DPYSL4: variants seen among roughly 807,000 people sequenced by gnomAD.
DPYSL4 encodes the protein dihydropyrimidinase-related protein 4.
Under a neutral mutation model 63.4 loss-of-function variants are expected in DPYSL4, and 43 were observed. That is an observed-to-expected ratio of 0.68 (90% confidence interval 0.53 to 0.88). The LOEUF is 0.88. DPYSL4 is among the 40% of genes least tolerant of loss of function. DPYSL4 has a pLI of 0.00. For missense variants in DPYSL4, 733 were observed against 819.5 expected, an observed-to-expected ratio of 0.89 and a Z score of 1.29; for synonymous variants, 353 against 331.7, an observed-to-expected ratio of 1.06 and a Z score of -0.70.
Position 132,187,041 on chromosome 10 carries a change from T to G in DPYSL4, c.-23T>G. ...CGCCCGCCCCCGCTTGTGCCGCCCC[T>G]ACCAGAGACCCCCAGGAGCAGGATG... On this transcript the variant is annotated 5_prime_UTR_variant, in exon 1 of 14. Transcript: ENST00000338492. 1.4e-6 allele frequency: 1 copy of G among 717,492 alleles called. No homozygotes were observed. The highest frequency in any genetic ancestry group is 1.8e-6 in the Non-Finnish European group (1 of 565,180). The allele number at this position is 717,492 out of a possible 1,614,324, so 44.4% of individuals were successfully genotyped here.
Position 132,196,888 on chromosome 10 carries a change from C to A in DPYSL4, c.506C>A (p.Ala169Glu). Reference sequence around the variant, plus strand: ...GTGAACTCCTTCCTGGTCTTCATGGCATACAAGGACCGGTGCCAGTGCAGC... The same window carrying A: ...GTGAACTCCTTCCTGGTCTTCATGGAATACAAGGACCGGTGCCAGTGCAGC... ...KGVNSFLVFMAYKDRCQCSDS... is the reference protein window; with the variant it reads ...KGVNSFLVFMEYKDRCQCSDS... Residue 169 changes from alanine to glutamate, a missense_variant, in exon 5 of 14, where the codon GCA (alanine) becomes GAA (glutamate). Physicochemically the swap from Ala to Glu is moderately radical, Grantham distance 107. Coordinates refer to ENST00000338492, the MANE Select transcript of DPYSL4 (RefSeq NM_006426.3). 6.2e-7 allele frequency: 1 copy of A among 1,613,786 alleles called. No individual in the cohort carries two copies. The highest frequency in any genetic ancestry group is 1.1e-5 in the South Asian group (1 of 91,086).
At chr10:132,201,022 C>A in intron 10 of DPYSL4, 39 bp downstream of exon 10, 5 of 1,602,166 alleles carry the variant, frequency 3.1e-6, no homozygotes, top group Non-Finnish European at 4.3e-6. Flanking sequence ...GTCTGGGGAG[C>A]GGCTGTGGGC....
At chr10:132,200,072 C>G (rs544662507) in intron 8 of DPYSL4, among the ~76,000 whole-genome samples, 33 of 152,286 alleles carry the variant, frequency 2.2e-4, no homozygotes, top group African/African-American at 7.0e-4. Flanking sequence ...GCCCTGGCCC[C>G]GCTGGAGTGC....
chr10:132,201,421 C>T (rs1188095295), intron 10 of DPYSL4, among the ~76,000 whole-genome samples: 1 of 152,234 alleles, frequency 6.6e-6, no homozygotes, highest in African/African-American at 2.4e-5. Context: ...CCAGGGCTCC[C>T]CAAGGAGACT....
At chr10:132,195,823 T>A (rs763657418) in intron 4 of DPYSL4, among the ~76,000 whole-genome samples, 1 of 152,160 alleles carries the variant, frequency 6.6e-6, no homozygotes, top group Non-Finnish European at 1.5e-5. Flanking sequence ...GTTCTGTGAG[T>A]GGACTCGGGA....
chr10:132,200,548 C>T (rs1362678523), intron 9 of DPYSL4, 36 bp downstream of exon 9: 5 of 1,608,372 alleles, frequency 3.1e-6, no homozygotes, highest in Non-Finnish European at 4.2e-6. Flanking sequence ...AGGTTGGCCG[C>T]CCGCTGCACA....
At chr10:132,195,452 G>A (rs1184745532) in intron 4 of DPYSL4, among the ~76,000 whole-genome samples, 1 of 152,180 alleles carries the variant, frequency 6.6e-6, no homozygotes, top group Non-Finnish European at 1.5e-5. Flanking sequence ...AACTACATCA[G>A]AGTTTCATAG....
At chr10:132,187,865 G>T (rs960110852) in intron 1 of DPYSL4, among the ~76,000 whole-genome samples, 6 of 152,226 alleles carry the variant, frequency 3.9e-5, no homozygotes, top group Admixed American at 3.3e-4. Flanking sequence ...GGGGGAGATG[G>T]GGGTGGGAGG....
Position 132,205,346 on chromosome 10 carries a change from C to G in DPYSL4, c.*416C>G, listed in dbSNP as rs567445207. On this transcript the variant is annotated 3_prime_UTR_variant, in exon 14 of 14. Coordinates refer to ENST00000338492, the MANE Select transcript of DPYSL4 (RefSeq NM_006426.3). ...GGCATTTGCCGCCGCCTCCCCACCA[C>G]CAGTCACTGCCTCGCAGAGCCCTAC... The G allele has an allele frequency of 6.1e-6, 1 of 163,598 alleles. No homozygotes were observed. Among genetic ancestry groups the G allele is most frequent in the Non-Finnish European group, 1.3e-5 (1 of 75,610 alleles). The allele number at this position is 163,598 out of a possible 1,614,324, so 10.1% of individuals were successfully genotyped here.
chr10:132,201,344 G>A (rs575519208), intron 10 of DPYSL4, among the ~76,000 whole-genome samples: 23 of 152,130 alleles, frequency 1.5e-4, no homozygotes, highest in South Asian at 2.1e-4. Context: ...GCGCCCTCCC[G>A]CATCCTCAGC....
At chr10:132,188,795 A>G (rs1258868006) in intron 1 of DPYSL4, among the ~76,000 whole-genome samples, 3 of 152,252 alleles carry the variant, frequency 2.0e-5, no homozygotes, top group Non-Finnish European at 4.4e-5. Flanking sequence ...TGTGAACTTC[A>G]TAGAATTTTT....
intron 1 of DPYSL4, among the ~76,000 whole-genome samples, chr10:132,189,856 CAG>C (rs922126659): frequency 8.5e-5 from 13 of 152,352 alleles, no homozygotes; most frequent in African/African-American, 9.6e-5. Context: ...GGCCCCCAGT[CAG>C]GGGGCAGCCA....
intron 8 of DPYSL4, among the ~76,000 whole-genome samples, chr10:132,199,583 C>A (rs1393691947): frequency 6.6e-6 from 1 of 151,308 alleles, no homozygotes; most frequent in Non-Finnish European, 1.5e-5. Context: ...TAGGCGGCCT[C>A]TGGATCTGGT....
rs551827752 is a variant in DPYSL4 at position 132,190,926 on chromosome 10, C to G, written c.128+91C>G. Reference sequence around the variant, plus strand: ...CAGGCAGTTGAAAGTATGTTCCCAGCTCGTGTGTACACGCTGGTCACGTGG... The same window carrying G: ...CAGGCAGTTGAAAGTATGTTCCCAGGTCGTGTGTACACGCTGGTCACGTGG... On this transcript the variant is annotated intron_variant, in intron 2 of 13. Coordinates refer to ENST00000338492, the MANE Select transcript of DPYSL4 (RefSeq NM_006426.3). 5.3e-6 allele frequency: 7 copies of G among 1,316,010 alleles called. 1 individual carries two copies. The East Asian group carries it at 1.8e-4, about 33-fold the overall frequency. The allele number at this position is 1,316,010 out of a possible 1,614,324, so 81.5% of individuals were successfully genotyped here.
At chr10:132,196,795 C>T in intron 4 of DPYSL4, 66 bp from the exon 5 acceptor site, 2 of 1,574,034 alleles carry the variant, frequency 1.3e-6, no homozygotes, top group Non-Finnish European at 8.7e-7. Context: ...TGGGCAGGAG[C>T]AGCAGAGGCT....
At chr10:132,192,275 C>T (rs2061888493) in intron 2 of DPYSL4, 1 of 980,162 alleles carries the variant, frequency 1.0e-6, no homozygotes, top group Non-Finnish European at 1.2e-6. Flanking sequence ...TTTCTTTGTT[C>T]ATCGCAGCAC....
At chr10:132,201,871 G>A in intron 10 of DPYSL4, 75 bp from the exon 11 acceptor site, 1 of 1,480,246 alleles carries the variant, frequency 6.8e-7, no homozygotes, top group South Asian at 1.3e-5. Flanking sequence ...GGTCCTGGTG[G>A]CCCAGTGTCT....
chr10:132,198,319 C>A, intron 6 of DPYSL4, 96 bp from the exon 7 acceptor site: 1 of 1,249,628 alleles, frequency 8.0e-7, no homozygotes, highest in Non-Finnish European at 1.1e-6. Flanking sequence ...GGGTCCAGGA[C>A]CACTTGGGGA....
chr10:132,196,316 G>C (rs890704930), intron 4 of DPYSL4, among the ~76,000 whole-genome samples: 1 of 152,204 alleles, frequency 6.6e-6, no homozygotes, highest in Non-Finnish European at 1.5e-5. Context: ...AACGTCAGAG[G>C]CAGCCCCTCA....
Sources: gnomAD v4.1 joint callset for allele counts (sites outside exome capture counted in the v4.1 genomes callset) on GRCh38, gnomAD v4.1.1 for gene constraint, MANE v1.5 for transcripts, NCBI Gene and HGNC (gene_info 2026-07-23, HGNC 2026-07-21) for gene names.